BACH1: variants seen among roughly 807,000 people sequenced by gnomAD.
The protein encoded by BACH1 is BTB domain and CNC homolog 1.
Under a neutral mutation model 52.9 loss-of-function variants are expected in BACH1, and 35 were observed. That is an observed-to-expected ratio of 0.66 (90% confidence interval 0.51 to 0.88). The LOEUF (loss-of-function observed/expected upper bound fraction) is 0.88, where lower values mean the gene tolerates loss of function less well. Ranked by LOEUF, BACH1 falls within the 40% of genes least tolerant of loss-of-function variation. The pLI is 0.00. For missense variants in BACH1, 808 were observed against 872.6 expected, an observed-to-expected ratio of 0.93 and a Z score of 0.93; for synonymous variants, 321 against 319.6, an observed-to-expected ratio of 1.00 and a Z score of -0.05.
chr21:29,353,857 G>C (rs1287224371), intron 2 of BACH1, among the ~76,000 whole-genome samples: 2 of 152,178 alleles, frequency 1.3e-5, no homozygotes, highest in African/African-American at 4.8e-5. Flanking sequence ...GGAAGAAGAA[G>C]AATTGGCACT....
intron 1 of BACH1, among the ~76,000 whole-genome samples, chr21:29,306,906 A>G (rs1325137725): frequency 7.9e-5 from 12 of 152,226 alleles, no homozygotes; most frequent in Non-Finnish European, 1.8e-4. Flanking sequence ...TATATATAGA[A>G]GAAATAATTT....
intron 3 of BACH1, among the ~76,000 whole-genome samples, chr21:29,327,840 G>T (rs1343100477): frequency 6.6e-6 from 1 of 152,164 alleles, no homozygotes; most frequent in Non-Finnish European, 1.5e-5. Flanking sequence ...TAAAAACACT[G>T]TGTGATAAAT....
chr21:29,322,619 G>A (rs568501242), intron 2 of BACH1, among the ~76,000 whole-genome samples: 36 of 152,344 alleles, frequency 2.4e-4, no homozygotes, highest in African/African-American at 8.7e-4. Flanking sequence ...GGAGGAATAT[G>A]GAGAAAGAAT....
intron 1 of BACH1, among the ~76,000 whole-genome samples, chr21:29,314,956 G>T (rs763519189): frequency 6.6e-6 from 1 of 152,170 alleles, no homozygotes; most frequent in Non-Finnish European, 1.5e-5. Context: ...TCTCCTGGCA[G>T]GTGAGTCGGG....
At chr21:29,358,944 A>G (rs1334804472) in intron 2 of BACH1, 1 of 152,134 alleles carries the variant, frequency 6.6e-6, no homozygotes, top group African/African-American at 2.4e-5. Context: ...AATAGCTTTT[A>G]TGCTTTGGGG....
At position 29,312,276 on chromosome 21, in the gene BACH1, T is replaced by C. The variant is rs183984901; in HGVS notation, c.-60-8945T>C. ...TTTCTTGTGGGAGCCTTAACTGGGA[T>C]AGTAACAATTGCACCCGCCTCTCTG... is the stretch of plus-strand genomic sequence containing the variant. On this transcript the variant is annotated intron_variant, in intron 1 of 4. Transcript: ENST00000286800. Among the ~76,000 whole-genome samples, 34 of 152,214 alleles carry C rather than the reference T, an allele frequency of 2.2e-4. No homozygotes were observed. The East Asian group carries it at 5.4e-3, about 24-fold the overall frequency.
chr21:29,299,136 C>T (rs891637415), intron 1 of BACH1, among the ~76,000 whole-genome samples, 183 bp downstream of exon 1: 1 of 151,412 alleles, frequency 6.6e-6, no homozygotes. Flanking sequence ...GCGCCGGCGG[C>T]CGGGATCCTG....
chr21:29,351,624 T>C lies in BACH1; in HGVS notation c.472+21931T>C, dbSNP rs56862606. The C allele has an allele frequency of 1.5e-3, 789 of 534,794 alleles. 7 individuals are homozygous for C. Among genetic ancestry groups the C allele is most frequent in the African/African-American group, 0.014 (751 of 52,080 alleles). The allele number at this position is 534,794 out of a possible 1,614,324, so 33.1% of individuals were successfully genotyped here. A position where few individuals can be genotyped will look rare whatever the true frequency, so the allele number is the denominator to read the frequency against. On this transcript the variant is annotated intron_variant, in intron 2 of 4. Transcript: ENST00000422809. ...GCTCAACATCTGATATTTGAGGGGT[T>C]CTGTTTCAGGGTTCTGTGGAAAATC...
In BACH1 at chr21:29,321,382, C is replaced by T. The variant is rs745341060; in HGVS notation, c.102C>T (p.Cys34=). Residue 34 remains cysteine, a synonymous_variant, in exon 2 of 5, where the codon TGC becomes TGT. Transcript: ENST00000286800. ...LNDQRKKDVL[C]DVTIFVEGQR... ...ACCAGCGGAAGAAAGATGTGCTGTG[C>T]GATGTCACCATCTTTGTGGAGGGAC... 1.1e-5 allele frequency: 18 copies of T among 1,614,096 alleles called. No individual in the cohort carries two copies. The highest frequency in any genetic ancestry group is 5.3e-5 in the African/African-American group (4 of 74,932).
At chr21:29,313,100 G>A (rs1048954325) in intron 1 of BACH1, among the ~76,000 whole-genome samples, 1 of 152,100 alleles carries the variant, frequency 6.6e-6, no homozygotes, top group African/African-American at 2.4e-5. Context: ...TGTAGAGCAC[G>A]GCTGTCCAAC....
intron 1 of BACH1, among the ~76,000 whole-genome samples, chr21:29,317,827 A>G (rs2088805660): frequency 6.6e-6 from 1 of 152,170 alleles, no homozygotes; most frequent in African/African-American, 2.4e-5. Flanking sequence ...ACATCATCTC[A>G]TATAAACTTC....
rs1160718306 is a variant in BACH1 at position 29,326,328 on chromosome 21, T to C, written c.504T>C (p.Asp168=). 6.2e-7 allele frequency: 1 copy of C among 1,614,188 alleles called. No individual in the cohort carries two copies. Among genetic ancestry groups the C allele is most frequent in the East Asian group, 2.2e-5 (1 of 44,890 alleles). Residue 168 remains aspartate, a synonymous_variant, in exon 3 of 5, where the codon GAT becomes GAC. Coordinates refer to ENST00000286800, the MANE Select transcript of BACH1 (RefSeq NM_001186.4). ...SLLDQRDLET[D]EVEEFLENKN... ...TGGACCAGAGGGATCTAGAAACTGATGAAGTGGAGGAATTTCTGGAAAATA... is the reference window on the plus strand; with the variant it reads ...TGGACCAGAGGGATCTAGAAACTGACGAAGTGGAGGAATTTCTGGAAAATA...
chr21:29,310,374 C>T (rs911472938), intron 1 of BACH1, among the ~76,000 whole-genome samples: 1 of 152,146 alleles, frequency 6.6e-6, no homozygotes, highest in Non-Finnish European at 1.5e-5. Context: ...TCTTACCATG[C>T]TAATATTTTA....
At chr21:29,354,426 A>T (rs1239426100) in intron 2 of BACH1, among the ~76,000 whole-genome samples, 1 of 152,160 alleles carries the variant, frequency 6.6e-6, no homozygotes, top group African/African-American at 2.4e-5. Flanking sequence ...GAGTGGGAAG[A>T]GTGGAATGGG....
chr21:29,327,218 G>A lies in BACH1; in HGVS notation c.1394G>A (p.Ser465Asn). Residue 465 changes from serine to asparagine, a missense_variant, in exon 3 of 5, where the codon AGT (serine) becomes AAT (asparagine). By Grantham distance (46) the Ser-to-Asn change is conservative (BLOSUM62 1). Transcript: ENST00000286800. The part of the protein sequence containing the change: ...TLSSVNCPFI[S>N]TLSTEGCSSN... The stretch of plus-strand genomic sequence containing the variant: ...AGTTCTGTCAACTGCCCTTTTATAA[G>A]TACTCTGAGTACTGAAGGCTGTTCA... 1 of 1,614,168 alleles carries A rather than the reference G, an allele frequency of 6.2e-7. No individual in the cohort carries two copies. The highest frequency in any genetic ancestry group is 8.5e-7 in the Non-Finnish European group (1 of 1,180,036).
intron 1 of BACH1, among the ~76,000 whole-genome samples, chr21:29,301,487 AT>A (rs1220830014): frequency 6.6e-6 from 1 of 152,052 alleles, no homozygotes; most frequent in Middle Eastern, 3.2e-3. Context: ...TTTAAGTTTT[AT>A]TTTATAGGTA....
intron 1 of BACH1, among the ~76,000 whole-genome samples, chr21:29,309,243 G>C (rs1274695089): frequency 6.9e-6 from 1 of 144,946 alleles, no homozygotes; most frequent in Non-Finnish European, 1.5e-5. Context: ...GGGTGACAGA[G>C]TGAGACTCTG....
chr21:29,334,791 C>T (rs967709397), intron 4 of BACH1, among the ~76,000 whole-genome samples: 9 of 152,136 alleles, frequency 5.9e-5, no homozygotes, highest in African/African-American at 7.2e-5. Flanking sequence ...CGACCTCATC[C>T]GTCCTTAGTG....
rs777858436 is a variant in BACH1, at chr21:29,329,710, C to G, written c.1776+17C>G. 6 of 1,471,612 alleles carry G rather than the reference C, an allele frequency of 4.1e-6. 1 individual carries two copies. The allele number at this position is 1,471,612 out of a possible 1,614,324, so 91.2% of individuals were successfully genotyped here. ...GAGAAGCTGGTAAGTGTAAAAGTTTCTTGTTACTATTTAAATTCCACCACT... is the reference window on the plus strand; with the variant it reads ...GAGAAGCTGGTAAGTGTAAAAGTTTGTTGTTACTATTTAAATTCCACCACT... On this transcript the variant is annotated intron_variant, in intron 4 of 4. Coordinates refer to ENST00000286800, the MANE Select transcript of BACH1 (RefSeq NM_001186.4).
Sources: allele counts gnomAD v4.1 joint callset (sites outside exome capture counted in the v4.1 genomes callset), GRCh38; gene constraint gnomAD v4.1.1; transcripts MANE v1.5; gene names NCBI Gene and HGNC (gene_info 2026-07-23, HGNC 2026-07-21).